The following PKP4 variants were observed in gnomAD, a reference collection of about 807,000 sequenced individuals.
PKP4 encodes the protein plakophilin-4.
PKP4 carries 90 observed loss-of-function variants against 145.1 expected under a neutral mutation model. That is an observed-to-expected ratio of 0.62 (90% CI 0.52 to 0.74). The LOEUF (loss-of-function observed/expected upper bound fraction) is 0.74, where lower values mean the gene tolerates loss of function less well. Ranked by LOEUF, PKP4 falls within the 30% of genes least tolerant of loss-of-function variation. PKP4 has a pLI of 0.00. For missense variants in PKP4, 1,340 were observed against 1,482.7 expected, an observed-to-expected ratio of 0.90 and a Z score of 1.58; for synonymous variants, 563 against 577.2, an observed-to-expected ratio of 0.98 and a Z score of 0.35.
Position 158,662,954 on chromosome 2 carries a change from G to A in PKP4, c.2269G>A (p.Val757Met), listed in dbSNP as rs2056744864. 5.0e-6 allele frequency: 8 copies of A among 1,613,602 alleles called. No individual in the cohort carries two copies. The highest frequency in any genetic ancestry group is 1.1e-5 in the South Asian group (1 of 91,050). The change falls in exon 14 of 22, where the codon GTG becomes ATG. Residue 757 changes from valine to methionine, a missense_variant. By Grantham distance (21) the Val-to-Met change is conservative. Coordinates refer to ENST00000389759, the MANE Select transcript of PKP4 (RefSeq NM_003628.6). ...CCTGTCCTATCGGCTGGAGCTGGAGGTGCCCCAGGCCCGGTTACTGGGACT... is the reference window on the plus strand; with the variant it reads ...CCTGTCCTATCGGCTGGAGCTGGAGATGCCCCAGGCCCGGTTACTGGGACT... ...RNLSYRLELE[V>M]PQARLLGLNE...
At chr2:158,504,296 A>T (rs1340374869) in intron 1 of PKP4, among the ~76,000 whole-genome samples, 1 of 152,212 alleles carries the variant, frequency 6.6e-6, no homozygotes, top group East Asian at 1.9e-4. Flanking sequence ...TACACGGCCC[A>T]GGGCCTGACA....
chr2:158,577,237 C>A, intron 2 of PKP4, 34 bp from the exon 3 acceptor site: 1 of 1,371,980 alleles, frequency 7.3e-7, no homozygotes, highest in South Asian at 1.2e-5. Flanking sequence ...CATACCTTGG[C>A]GCCTTATATG....
At chr2:158,544,205 C>G (rs2044759904) in intron 2 of PKP4, among the ~76,000 whole-genome samples, 1 of 152,218 alleles carries the variant, frequency 6.6e-6, no homozygotes, top group African/African-American at 2.4e-5. Context: ...GTAGTGTTTC[C>G]AAGCCTCAGT....
chr2:158,628,303 A>G (rs2053014289), intron 7 of PKP4, among the ~76,000 whole-genome samples: 1 of 152,256 alleles, frequency 6.6e-6, no homozygotes, highest in East Asian at 1.9e-4. Context: ...TCTAATACCA[A>G]TTATAGAACA....
intron 1 of PKP4, among the ~76,000 whole-genome samples, chr2:158,527,164 G>A (rs1442467999): frequency 8.7e-6 from 1 of 114,968 alleles, no homozygotes; most frequent in African/African-American, 3.4e-5. Context: ...CCAAAAAAGA[G>A]CCCGCATCGC....
intron 16 of PKP4, among the ~76,000 whole-genome samples, chr2:158,668,700 A>G (rs1318675570): frequency 1.3e-5 from 2 of 152,212 alleles, no homozygotes; most frequent in East Asian, 3.8e-4. Flanking sequence ...CAGTGTCAGC[A>G]CTGTTTTTCC....
chr2:158,669,996 T>A, intron 17 of PKP4, 81 bp downstream of exon 17: 1 of 1,099,766 alleles, frequency 9.1e-7, no homozygotes, highest in Non-Finnish European at 1.3e-6. Flanking sequence ...GAGGATACCT[T>A]TCCTATTGGA....
chr2:158,579,644 A>G (rs537249719), intron 3 of PKP4, among the ~76,000 whole-genome samples: 1 of 152,108 alleles, frequency 6.6e-6, no homozygotes, highest in Non-Finnish European at 1.5e-5. Context: ...TACAAAGAAC[A>G]TACTTATTCC....
At chr2:158,604,217 G>A (rs745770268) in intron 4 of PKP4, among the ~76,000 whole-genome samples, 6 of 152,162 alleles carry the variant, frequency 3.9e-5, no homozygotes, top group East Asian at 3.9e-4. Flanking sequence ...CTTGATGGGC[G>A]GCTCTGGAGA....
chr2:158,636,084 A>G (rs1190994041), intron 9 of PKP4, among the ~76,000 whole-genome samples: 1 of 152,136 alleles, frequency 6.6e-6, no homozygotes, highest in Non-Finnish European at 1.5e-5. Context: ...AACCATATTT[A>G]TTAATAACAT....
At chr2:158,505,733 G>A (rs1017250435) in intron 1 of PKP4, among the ~76,000 whole-genome samples, 11 of 152,084 alleles carry the variant, frequency 7.2e-5, no homozygotes, top group East Asian at 3.8e-4. Flanking sequence ...CTTAGGTGAC[G>A]TGACTCAGCA....
intron 3 of PKP4, among the ~76,000 whole-genome samples, chr2:158,600,485 G>A (rs961031009): frequency 5.0e-4 from 76 of 152,174 alleles, no homozygotes; most frequent in Non-Finnish European, 9.6e-4. Flanking sequence ...AGGGAGAGAA[G>A]GAGGAAATAA....
At position 158,678,634 on chromosome 2, in the gene PKP4, G is replaced by C. The variant is rs753537640; in HGVS notation, c.3310G>C (p.Glu1104Gln). The change falls in exon 21 of 22, where the codon GAA (glutamate) becomes CAA (glutamine). Residue 1104 changes from glutamate to glutamine, a missense_variant. Physicochemically the swap from Glu to Gln is conservative, Grantham distance 29. Transcript: ENST00000389759. ...CAGTTCCTATTCCTCACCAGCAAGA[G>C]AACAAAATAGACGGCTACAGGTGAA... ...YISSYSSPAREQNRRLQHQQL... is the reference protein window; with the variant it reads ...YISSYSSPARQQNRRLQHQQL... The C allele has an allele frequency of 6.2e-7, 1 of 1,602,862 alleles. No homozygotes were observed. Among genetic ancestry groups the C allele is most frequent in the African/African-American group, 1.3e-5 (1 of 74,756 alleles).
intron 9 of PKP4, among the ~76,000 whole-genome samples, chr2:158,635,329 G>A (rs1269889071): frequency 6.6e-6 from 1 of 152,046 alleles, no homozygotes; most frequent in African/African-American, 2.4e-5. Context: ...AATGCATTTG[G>A]TTCTGCTACT....
rs566115106 is a variant in PKP4 at position 158,533,402 on chromosome 2, A to C, written c.132+86A>C. On this transcript the variant is annotated intron_variant, in intron 2 of 21. Transcript: ENST00000389759. Reference sequence around the variant, plus strand: ...CTTTGGATATGTTTTAAATTTGTGTAACGTCCTTGACGCCTTCACGTTTTC... The same window carrying C: ...CTTTGGATATGTTTTAAATTTGTGTCACGTCCTTGACGCCTTCACGTTTTC... 18 of 1,480,282 alleles carry C rather than the reference A, an allele frequency of 1.2e-5. No homozygotes were observed. In the African/African-American group the frequency reaches 1.5e-4, roughly 13 times the overall value. 91.7% of individuals were successfully genotyped at this position (1,480,282 alleles called of 1,614,324 possible).
chr2:158,653,171 T>C (rs1333854925), intron 11 of PKP4, among the ~76,000 whole-genome samples: 2 of 152,206 alleles, frequency 1.3e-5, no homozygotes, highest in East Asian at 3.8e-4. Context: ...TTGTCTTTCA[T>C]ATCAAAAAGA....
chr2:158,579,520 A>G (rs1160181072), intron 3 of PKP4, among the ~76,000 whole-genome samples: 1 of 152,170 alleles, frequency 6.6e-6, no homozygotes, highest in Non-Finnish European at 1.5e-5. Context: ...TGAGCAAAAG[A>G]GTAGGGTTTC....
chr2:158,573,856 T>C (rs535009548), intron 2 of PKP4, among the ~76,000 whole-genome samples: 2 of 152,188 alleles, frequency 1.3e-5, no homozygotes, highest in African/African-American at 4.8e-5. Context: ...TATTTTCTTA[T>C]CTTGATCAGT....
chr2:158,626,344 G>GCTC (rs1234959683), intron 7 of PKP4, among the ~76,000 whole-genome samples: 1 of 152,134 alleles, frequency 6.6e-6, no homozygotes, highest in Non-Finnish European at 1.5e-5. Context: ...TGTCTTAAGA[G>GCTC]CTCTACCTCA....
Sources: allele counts gnomAD v4.1 joint callset (sites outside exome capture counted in the v4.1 genomes callset), GRCh38; gene constraint gnomAD v4.1.1; transcripts MANE v1.5; gene names NCBI Gene and HGNC (gene_info 2026-07-23, HGNC 2026-07-21).